Variants in ACAD10 observed in about 807,000 individuals in gnomAD.
ACAD10 encodes acyl-CoA dehydrogenase family member 10.
Under a neutral mutation model 116.8 loss-of-function variants are expected in ACAD10, and 112 were observed. That is an observed-to-expected ratio of 0.96 (90% CI 0.82 to 1.12). ACAD10 has a LOEUF of 1.12. Ranked by LOEUF, ACAD10 falls within the 50% of genes most tolerant of loss-of-function variation. The probability of loss-of-function intolerance (pLI) is 0.00; values close to 1 mark genes in which losing one functional copy is unlikely to be tolerated. For synonymous variants in ACAD10, 486 were observed against 510.6 expected (o/e 0.95, Z 0.65); for missense variants, 1,259 against 1,350.2 (o/e 0.93, Z 1.06).
In ACAD10 at chr12:111,748,436, A is replaced by G; in HGVS notation, c.2605A>G (p.Ile869Val). 3 of 1,613,994 alleles carry G rather than the reference A, an allele frequency of 1.9e-6. No homozygotes were observed. Among genetic ancestry groups the G allele is most frequent in the Non-Finnish European group, 2.5e-6 (3 of 1,180,028 alleles). Residue 869 changes from isoleucine to valine, a missense_variant, in exon 17 of 21, where the codon ATC becomes GTC. By Grantham distance (29) the Ile-to-Val change is conservative. Transcript: ENST00000313698. ...CATGGATACCCCAGGGATAAAAATC[A>G]TCCGGCCTCTGACGGTGTATGGACT... ...VPMDTPGIKI[I>V]RPLTVYGLED...
intron 4 of ACAD10, 24 bp downstream of exon 4, chr12:111,705,956 C>A: frequency 6.2e-7 from 1 of 1,609,708 alleles, no homozygotes; most frequent in Non-Finnish European, 8.5e-7. Flanking sequence ...AATTGAAAAC[C>A]ATTGGAACAG....
intron 8 of ACAD10, among the ~76,000 whole-genome samples, chr12:111,724,886 A>AGAGAGGGAGAGGGAGACCGTGGG: frequency 6.6e-6 from 1 of 151,054 alleles, no homozygotes; most frequent in South Asian, 2.1e-4. Context: ...GACCGTGGAA[A>AGAGAGGGAGAGGGAGACCGTGGG]GAGAGGGAGA....
At position 111,736,940 on chromosome 12, in the gene ACAD10, T is replaced by C. The variant is rs1205632308; in HGVS notation, c.1650T>C (p.Tyr550=). 1.9e-6 allele frequency: 3 copies of C among 1,614,122 alleles called. No homozygotes were observed. Among genetic ancestry groups the C allele is most frequent in the Non-Finnish European group, 2.5e-6 (3 of 1,180,008 alleles). ...GLPPTENWNF[Y]MAFSFFRVAA... is the part of the protein sequence containing the mutation. ...CTCCCACTGAGAACTGGAACTTCTA[T>C]ATGGCTTTTTCCTTTTTCCGTGTGG... The change falls in exon 12 of 21, where the codon TAT becomes TAC. Residue 550 remains tyrosine, a synonymous_variant. Transcript: ENST00000313698.
intron 3 of ACAD10, among the ~76,000 whole-genome samples, chr12:111,703,860 A>G (rs928480358): frequency 1.3e-5 from 2 of 151,718 alleles, no homozygotes; most frequent in Non-Finnish European, 2.9e-5. Flanking sequence ...AAAAACAAAA[A>G]AAGGTTAAAA....
chr12:111,743,847 A>G (rs540191132), intron 12 of ACAD10, among the ~76,000 whole-genome samples: 2 of 152,120 alleles, frequency 1.3e-5, no homozygotes, highest in East Asian at 1.9e-4. Context: ...CCCAGGTTCA[A>G]GCGATTCTCA....
At chr12:111,713,701 C>T (rs1888758076) in intron 6 of ACAD10, among the ~76,000 whole-genome samples, 1 of 151,882 alleles carries the variant, frequency 6.6e-6, no homozygotes, top group Admixed American at 6.6e-5. Context: ...CTTTGGGAGG[C>T]TGAGGCAGGC....
chr12:111,706,260 A>G (rs1039236103), intron 4 of ACAD10, among the ~76,000 whole-genome samples: 1 of 151,990 alleles, frequency 6.6e-6, no homozygotes, highest in Non-Finnish European at 1.5e-5. Flanking sequence ...AAGACCAACT[A>G]TGTTGCCTTC....
Position 111,723,493 on chromosome 12 carries a change from C to T in ACAD10, c.1061+1754C>T, listed in dbSNP as rs1383784701. 1.8e-3 allele frequency among the ~76,000 whole-genome samples: 256 copies of T among 140,528 alleles called. 1 individual carries two copies. The highest frequency in any genetic ancestry group is 5.9e-3 in the African/African-American group (222 of 37,784). 92.2% of individuals were successfully genotyped at this position (140,528 alleles called of 152,430 possible). The stretch of plus-strand genomic sequence containing the variant: ...CTGACCCCCCCGCCTCCCTCCCGGA[C>T]GGGGCGGCTGGCCGGGCAGAGGGGC... On this transcript the variant is annotated intron_variant, in intron 8 of 20. Transcript: ENST00000313698.
intron 4 of ACAD10, 144 bp downstream of exon 4, chr12:111,706,076 T>C (rs2135953207): frequency 1.2e-6 from 1 of 818,118 alleles, no homozygotes. Context: ...AAATGCAATA[T>C]GTTGAAAACA....
intron 1 of ACAD10, chr12:111,690,418 G>A (rs543907509): frequency 7.2e-5 from 11 of 152,070 alleles, no homozygotes; most frequent in African/African-American, 2.7e-4. Flanking sequence ...ATCGTGTGGG[G>A]GCTCAAAAAG....
At chr12:111,699,531 C>G in intron 2 of ACAD10, among the ~76,000 whole-genome samples, 1 of 151,658 alleles carries the variant, frequency 6.6e-6, no homozygotes, top group East Asian at 1.9e-4. Context: ...TGTTCCATAG[C>G]TTTTTTTTGA....
At chr12:111,725,485 GGC>G (rs1266484474) in intron 8 of ACAD10, among the ~76,000 whole-genome samples, 29 of 152,116 alleles carry the variant, frequency 1.9e-4, no homozygotes, top group Admixed American at 2.6e-4. Context: ...CTGCACTCCA[GGC>G]TGGATGATAG....
chr12:111,751,330 T>G (rs546701192), intron 18 of ACAD10, among the ~76,000 whole-genome samples: 2 of 152,258 alleles, frequency 1.3e-5, no homozygotes, highest in South Asian at 4.2e-4. Context: ...AAAAAGACTG[T>G]GGCCAGGTGT....
Position 111,728,115 on chromosome 12 carries a change from T to C in ACAD10, c.1215T>C (p.Ala405=), listed in dbSNP as rs1210219261. 3 of 1,611,276 alleles carry C rather than the reference T, an allele frequency of 1.9e-6. No homozygotes were observed. Among genetic ancestry groups the C allele is most frequent in the Non-Finnish European group, 8.5e-7 (1 of 1,178,790 alleles). Residue 405 remains alanine (A), a synonymous_variant, in exon 9 of 21, where the codon GCT becomes GCC. Transcript: ENST00000313698. ...AAATTCACAGTGTGGATCTGCAGGCTGTGGGACTTGAAGACTATGGGAAGC... is the reference window on the plus strand; with the variant it reads ...AAATTCACAGTGTGGATCTGCAGGCCGTGGGACTTGAAGACTATGGGAAGC... ...LCKIHSVDLQ[A]VGLEDYGKQG... is the part of the protein sequence containing the mutation.
At chr12:111,749,479 T>C in intron 18 of ACAD10, 134 bp downstream of exon 18, 5 of 1,198,826 alleles carry the variant, frequency 4.2e-6, no homozygotes, top group Non-Finnish European at 5.7e-6. Flanking sequence ...GCCAAGAAGT[T>C]GCATTCCTGT....
At chr12:111,712,873 C>T (rs1888727976) in intron 6 of ACAD10, among the ~76,000 whole-genome samples, 1 of 152,202 alleles carries the variant, frequency 6.6e-6, no homozygotes, top group African/African-American at 2.4e-5. Context: ...GTGTACCTAT[C>T]CCACTCTTAC....
chr12:111,728,916 C>T (rs1889306972), intron 9 of ACAD10, among the ~76,000 whole-genome samples: 1 of 152,176 alleles, frequency 6.6e-6, no homozygotes, highest in South Asian at 2.1e-4. Flanking sequence ...ACCCAAACTC[C>T]TGCGCTCAAG....
intron 11 of ACAD10, among the ~76,000 whole-genome samples, chr12:111,735,990 C>T (rs1388657297): frequency 2.6e-5 from 4 of 151,888 alleles, no homozygotes; most frequent in East Asian, 1.9e-4. Flanking sequence ...AGCGATTCTC[C>T]GGCCTCGGCC....
intron 12 of ACAD10, among the ~76,000 whole-genome samples, chr12:111,743,315 A>T (rs1889798771): frequency 6.6e-6 from 1 of 151,538 alleles, no homozygotes; most frequent in African/African-American, 2.4e-5. Context: ...TCAGGGGGGC[A>T]GGGGTTGAGT....
Sources: allele counts gnomAD v4.1 joint callset (sites outside exome capture counted in the v4.1 genomes callset), GRCh38; gene constraint gnomAD v4.1.1; transcripts MANE v1.5; gene names NCBI Gene and HGNC (gene_info 2026-07-23, HGNC 2026-07-21).